The following ALG8 variants were observed in gnomAD, a reference collection of about 807,000 sequenced individuals.
The protein encoded by ALG8 is ALG8 alpha-1,3-glucosyltransferase.
Under a neutral mutation model 70.2 loss-of-function variants are expected in ALG8, and 48 were observed. The ratio of observed to expected loss-of-function variants is 0.68; its 90% confidence interval spans 0.54 to 0.87. ALG8 has a LOEUF of 0.87. Ranked by LOEUF, ALG8 falls within the 40% of genes least tolerant of loss-of-function variation. The pLI is 0.00. For missense variants in ALG8, 572 were observed against 608.7 expected (o/e 0.94, Z 0.64); for synonymous variants, 234 against 229.0 (o/e 1.02, Z -0.20).
chr11:78,104,514 T>C (rs1859934457), intron 10 of ALG8, 61 bp from the exon 11 acceptor site: 1 of 1,426,512 alleles, frequency 7.0e-7, no homozygotes, highest in Non-Finnish European at 9.6e-7. Context: ...ATAGCTTAAA[T>C]AAACTGCATC....
At chr11:78,110,132 C>T (rs867945240) in intron 8 of ALG8, among the ~76,000 whole-genome samples, 1 of 152,340 alleles carries the variant, frequency 6.6e-6, no homozygotes, top group South Asian at 2.1e-4. Flanking sequence ...AATTCAATCA[C>T]CTGAGAAAGC....
intron 1 of ALG8, chr11:78,138,665 T>A: frequency 2.2e-6 from 1 of 452,576 alleles, no homozygotes; most frequent in South Asian, 1.6e-5. Context: ...AGAGGAAGGA[T>A]GAAGGGAAGG....
At chr11:78,135,894 T>G (rs113441188) in intron 1 of ALG8, among the ~76,000 whole-genome samples, 2,899 of 146,660 alleles carry the variant, frequency 0.02, 100 homozygotes, top group African/African-American at 0.069. Context: ...AATGGGTGGG[T>G]GCAGTGGCTC....
intron 1 of ALG8, among the ~76,000 whole-genome samples, chr11:78,131,140 A>G (rs920841519): frequency 6.6e-6 from 1 of 152,076 alleles, no homozygotes; most frequent in Non-Finnish European, 1.5e-5. Context: ...TCCTATTCAA[A>G]ACTGTTGGAG....
At chr11:78,107,409 C>T (rs1860090978) in intron 9 of ALG8, among the ~76,000 whole-genome samples, 1 of 143,258 alleles carries the variant, frequency 7.0e-6, no homozygotes, top group Admixed American at 6.9e-5. Flanking sequence ...TTAATAGAGA[C>T]GGGGTTTCAC....
At chr11:78,112,817 T>C (rs1201326992) in intron 7 of ALG8, 47 bp from the exon 8 acceptor site, 3 of 1,602,698 alleles carry the variant, frequency 1.9e-6, no homozygotes, top group South Asian at 2.2e-5. Flanking sequence ...TCAATCTTTT[T>C]CAAATTCAAA....
At chr11:78,114,093 A>G in intron 6 of ALG8, 104 bp from the exon 7 acceptor site, 2 of 1,351,126 alleles carry the variant, frequency 1.5e-6, no homozygotes, top group Non-Finnish European at 2.1e-6. Context: ...TAGTATACCA[A>G]TCTATTCATG....
intron 12 of ALG8, among the ~76,000 whole-genome samples, chr11:78,102,129 T>C (rs1383630520): frequency 1.3e-5 from 2 of 152,212 alleles, no homozygotes; most frequent in Non-Finnish European, 2.9e-5. Context: ...TACAGTTTGA[T>C]GGTATTAAGT....
intron 1 of ALG8, chr11:78,137,794 G>C (rs763928691): frequency 2.0e-5 from 3 of 152,044 alleles, no homozygotes; most frequent in Non-Finnish European, 4.4e-5. Context: ...AAATATAATA[G>C]CAATGAAAAA....
intron 4 of ALG8, 74 bp from the exon 5 acceptor site, chr11:78,119,323 A>AT: frequency 9.3e-7 from 1 of 1,072,392 alleles, no homozygotes; most frequent in Non-Finnish European, 1.4e-6. Context: ...TGGAGTATAG[A>AT]AATTCCAAAT....
At chr11:78,107,064 T>C in intron 9 of ALG8, 118 bp from the exon 10 acceptor site, 1 of 1,234,472 alleles carries the variant, frequency 8.1e-7, no homozygotes, top group Non-Finnish European at 1.1e-6. Context: ...TAGACAATTC[T>C]TCATGAAACC....
chr11:78,136,354 G>C (rs1214826866), intron 1 of ALG8, among the ~76,000 whole-genome samples: 1 of 151,362 alleles, frequency 6.6e-6, no homozygotes, highest in East Asian at 1.9e-4. Context: ...TAGATAGATA[G>C]ACAGACAGAT....
intron 2 of ALG8, 68 bp from the exon 3 acceptor site, chr11:78,124,282 A>T (rs929360959): frequency 1.3e-6 from 2 of 1,521,094 alleles, no homozygotes; most frequent in African/African-American, 1.4e-5. Flanking sequence ...GCAACGATTT[A>T]AAATTTTTCA....
At chr11:78,126,956 GATTA>G (rs1444284454) in intron 2 of ALG8, among the ~76,000 whole-genome samples, 2 of 151,432 alleles carry the variant, frequency 1.3e-5, no homozygotes, top group Non-Finnish European at 2.9e-5. Context: ...TTTTTATAAA[GATTA>G]ATTAGATCTA....
At chr11:78,116,362 G>A (rs1860567742) in intron 5 of ALG8, among the ~76,000 whole-genome samples, 1 of 151,530 alleles carries the variant, frequency 6.6e-6, no homozygotes, top group Non-Finnish European at 1.5e-5. Context: ...AATGCAAGAT[G>A]CTATCTCCAA....
chr11:78,105,523 G>A (rs796280563), intron 10 of ALG8, among the ~76,000 whole-genome samples: 2 of 152,076 alleles, frequency 1.3e-5, no homozygotes, highest in African/African-American at 4.8e-5. Context: ...CAGGGAATAA[G>A]CCTGTTTTGT....
intron 10 of ALG8, among the ~76,000 whole-genome samples, chr11:78,106,012 A>G (rs1860013070): frequency 6.6e-6 from 1 of 152,144 alleles, no homozygotes; most frequent in Admixed American, 6.6e-5. Flanking sequence ...CTGGCCAATT[A>G]TCTTAAAGAT....
chr11:78,132,833 A>ATTTTTTT (rs55934753), intron 1 of ALG8, among the ~76,000 whole-genome samples: 1 of 113,942 alleles, frequency 8.8e-6, no homozygotes, highest in African/African-American at 3.4e-5. Context: ...TTCTTCTTCC[A>ATTTTTTT]TTTTTTTTTT....
At chr11:78,104,653 CA>C (rs1859937861) in intron 10 of ALG8, 200 bp from the exon 11 acceptor site, 2 of 525,188 alleles carry the variant, frequency 3.8e-6, no homozygotes, top group Middle Eastern at 5.4e-4. Flanking sequence ...CAAACTGAAT[CA>C]GGGGTATCGT....
Sources: gnomAD v4.1 joint callset for allele counts (sites outside exome capture counted in the v4.1 genomes callset) on GRCh38, gnomAD v4.1.1 for gene constraint, MANE v1.5 for transcripts, NCBI Gene and HGNC (gene_info 2026-07-23, HGNC 2026-07-21) for gene names.